STK3: variants seen among roughly 807,000 people sequenced by gnomAD.
The protein encoded by STK3 is serine/threonine-protein kinase 3.
STK3 carries 41 observed loss-of-function variants against 58.0 expected under a neutral mutation model. The ratio of observed to expected loss-of-function variants is 0.71; its 90% CI spans 0.55 to 0.92. The LOEUF (loss-of-function observed/expected upper bound fraction) is 0.92. STK3 is among the 40% of genes least tolerant of loss of function. The probability of loss-of-function intolerance (pLI) is 0.00; values close to 1 mark genes in which losing one functional copy is unlikely to be tolerated. For synonymous variants in STK3, 170 were observed against 191.0 expected (o/e 0.89, Z 0.91); for missense variants, 479 against 602.7 (o/e 0.79, Z 2.15).
chr8:98,782,079 GTCC>G (rs1344995598), intron 1 of STK3: 3 of 233,532 alleles, frequency 1.3e-5, no homozygotes, highest in Non-Finnish European at 1.8e-5. Context: ...TGCCTCTAGT[GTCC>G]TCCGCTGTGG....
intron 6 of STK3, among the ~76,000 whole-genome samples, chr8:98,690,641 A>G (rs1480892797): frequency 4.6e-5 from 7 of 152,236 alleles, no homozygotes; most frequent in Admixed American, 4.6e-4. Context: ...CTACAGATTC[A>G]ATGCTATTCC....
chr8:98,788,013 C>A (rs572816366), intron 1 of STK3, among the ~76,000 whole-genome samples: 2 of 152,044 alleles, frequency 1.3e-5, no homozygotes, highest in South Asian at 4.1e-4. Context: ...ACCTACAAAA[C>A]AAAAATACAA....
intron 10 of STK3, among the ~76,000 whole-genome samples, chr8:98,461,422 AT>A (rs996258207): frequency 1.3e-5 from 2 of 152,070 alleles, no homozygotes; most frequent in African/African-American, 4.8e-5. Flanking sequence ...GTGGTTTGTA[AT>A]TTTTTATCAA....
chr8:98,446,184 A>G (rs1295383839), intron 1 of STK3, among the ~76,000 whole-genome samples: 2 of 152,198 alleles, frequency 1.3e-5, no homozygotes, highest in Non-Finnish European at 2.9e-5. Flanking sequence ...CTCAGTTCAA[A>G]TATCTCATTA....
chr8:98,735,361 G>A (rs993122469), intron 4 of STK3, among the ~76,000 whole-genome samples: 1 of 152,046 alleles, frequency 6.6e-6, no homozygotes, highest in African/African-American at 2.4e-5. Context: ...CCCATATATA[G>A]GATACCATGA....
intron 1 of STK3, among the ~76,000 whole-genome samples, chr8:98,809,238 T>G (rs1475566868): frequency 6.6e-6 from 1 of 152,210 alleles, no homozygotes; most frequent in Non-Finnish European, 1.5e-5. Context: ...CTGAACTTGA[T>G]TTGTAGCCAA....
chr8:98,566,538 C>T (rs997799288), intron 8 of STK3, among the ~76,000 whole-genome samples: 6 of 151,970 alleles, frequency 3.9e-5, no homozygotes, highest in South Asian at 4.2e-4. Context: ...AATGTAGCAG[C>T]GAATTTCAGT....
At chr8:98,610,159 G>C (rs957292316) in intron 6 of STK3, among the ~76,000 whole-genome samples, 1 of 146,562 alleles carries the variant, frequency 6.8e-6, no homozygotes, top group Non-Finnish European at 1.5e-5. Context: ...CCATCCAAAG[G>C]AACTATCTGG....
intron 1 of STK3, among the ~76,000 whole-genome samples, chr8:98,930,732 TAGAATTTGAAGCA>T (rs1410734891): frequency 1.3e-5 from 2 of 152,238 alleles, no homozygotes; most frequent in East Asian, 3.8e-4. Flanking sequence ...TGTTGTCTTC[TAGAATTTGAAGCA>T]AGAAAAATTA....
chr8:98,753,197 A>C (rs1463167167), intron 3 of STK3, among the ~76,000 whole-genome samples: 1 of 152,244 alleles, frequency 6.6e-6, no homozygotes, highest in Admixed American at 6.5e-5. Flanking sequence ...CACTCTTCAT[A>C]ATAGCAAAGA....
chr8:98,390,788 T>C (rs1427502075), upstream of STK3, among the ~76,000 whole-genome samples: 2 of 152,182 alleles, frequency 1.3e-5, no homozygotes, highest in Non-Finnish European at 2.9e-5. Flanking sequence ...TTTAAGTTCA[T>C]TGACTCTTTC....
chr8:98,728,409 G>A (rs1478885086), intron 4 of STK3, among the ~76,000 whole-genome samples: 1 of 152,126 alleles, frequency 6.6e-6, no homozygotes, highest in African/African-American at 2.4e-5. Context: ...GATTGCACAT[G>A]TCTGGCAAGG....
chr8:98,760,017 GT>G (rs563477517), intron 3 of STK3, among the ~76,000 whole-genome samples: 5,586 of 146,214 alleles, frequency 0.038, 127 homozygotes, highest in Non-Finnish European at 0.049. Context: ...TACTGCATTG[GT>G]TTTTTTTTTT....
intron 3 of STK3, among the ~76,000 whole-genome samples, chr8:98,403,713 G>T (rs1042685098): frequency 6.6e-6 from 1 of 152,212 alleles, no homozygotes; most frequent in Non-Finnish European, 1.5e-5. Context: ...GCCTAAGGCA[G>T]AGTCACACAC....
At chr8:98,792,428 G>T (rs1832861320) in intron 1 of STK3, among the ~76,000 whole-genome samples, 1 of 152,202 alleles carries the variant, frequency 6.6e-6, no homozygotes, top group African/African-American at 2.4e-5. Flanking sequence ...TGGGAGCAGT[G>T]GCTCACGCCT....
At chr8:98,521,215 C>T (rs1825334733) in intron 10 of STK3, among the ~76,000 whole-genome samples, 1 of 152,092 alleles carries the variant, frequency 6.6e-6, no homozygotes, top group African/African-American at 2.4e-5. Context: ...AGGCTATCTG[C>T]CCTATATAAG....
At chr8:98,640,723 A>T (rs1819956124) in intron 6 of STK3, among the ~76,000 whole-genome samples, 1 of 151,834 alleles carries the variant, frequency 6.6e-6, no homozygotes, top group Non-Finnish European at 1.5e-5. Context: ...TTCCTTAAAT[A>T]TAAATACAGT....
chr8:98,878,060 CTTT>C (rs59671452), intron 3 of STK3, among the ~76,000 whole-genome samples: 5 of 138,120 alleles, frequency 3.6e-5, no homozygotes, highest in Non-Finnish European at 7.9e-5. Context: ...AAAAGAAAAT[CTTT>C]TTTTTTTTTT....
chr8:98,495,581 A>C (rs956514706), intron 10 of STK3, among the ~76,000 whole-genome samples: 1 of 152,224 alleles, frequency 6.6e-6, no homozygotes, highest in African/African-American at 2.4e-5. Flanking sequence ...TTCACCTAGC[A>C]TGGTCTAATT....
Sources: allele counts gnomAD v4.1 joint callset (sites outside exome capture counted in the v4.1 genomes callset), GRCh38; gene constraint gnomAD v4.1.1; transcripts MANE v1.5; gene names NCBI Gene and HGNC (gene_info 2026-07-23, HGNC 2026-07-21).